The following SSBP2 variants were observed in gnomAD, a reference collection of about 807,000 sequenced individuals.
The protein encoded by SSBP2 is single stranded DNA binding protein 2, also known as single-stranded DNA-binding protein 2.
In SSBP2, 17 loss-of-function variants were observed where a neutral mutation model predicts 61.8. The ratio of observed to expected loss-of-function variants is 0.28; its 90% CI spans 0.19 to 0.41. The LOEUF is 0.41. Among genes scored for constraint, SSBP2 ranks in the 10% least tolerant of loss-of-function variants. The pLI is 1.00. For synonymous variants in SSBP2, 139 were observed against 141.3 expected (o/e 0.98, Z 0.12); for missense variants, 310 against 458.7 (o/e 0.68, Z 2.96).
chr5:81,555,755 T>C (rs1378798958), intron 4 of SSBP2, among the ~76,000 whole-genome samples: 1 of 152,148 alleles, frequency 6.6e-6, no homozygotes, highest in African/African-American at 2.4e-5. Flanking sequence ...ATGAGATCAA[T>C]GTACAATCTG....
chr5:81,619,446 A>T (rs1173785472), intron 3 of SSBP2, among the ~76,000 whole-genome samples: 1 of 78,298 alleles, frequency 1.3e-5, no homozygotes, highest in Admixed American at 1.4e-4. Flanking sequence ...AGGCTCTGAA[A>T]TTGTGGCAAT....
chr5:81,511,959 C>T (rs905121516), intron 5 of SSBP2, among the ~76,000 whole-genome samples: 1 of 152,084 alleles, frequency 6.6e-6, no homozygotes, highest in Non-Finnish European at 1.5e-5. Flanking sequence ...GTTCATTCTA[C>T]AAAATGTGGA....
rs1436287634 is a variant in SSBP2 at position 81,559,903 on chromosome 5, A to G, written c.283-46186T>C. Among the ~76,000 whole-genome samples the G allele has an allele frequency of 2.6e-5, 4 of 152,304 alleles. No individual in the cohort carries two copies. In the East Asian group the frequency reaches 7.7e-4, roughly 29 times the overall value. Reference sequence around the variant, plus strand: ...ATCAGAAGTCTAGTTTTATTTGTCCATAAGTAATCTAAAATTATTAAATAA... The same window carrying G: ...ATCAGAAGTCTAGTTTTATTTGTCCGTAAGTAATCTAAAATTATTAAATAA... On this transcript the variant is annotated intron_variant, in intron 4 of 16. Coordinates refer to ENST00000320672, the MANE Select transcript of SSBP2 (RefSeq NM_012446.5).
At chr5:81,586,538 C>G (rs1383619455) in intron 4 of SSBP2, among the ~76,000 whole-genome samples, 1 of 148,698 alleles carries the variant, frequency 6.7e-6, no homozygotes, top group Non-Finnish European at 1.5e-5. Flanking sequence ...CATAACAGAA[C>G]ATGAGGAAAC....
At position 81,658,752 on chromosome 5, in the gene SSBP2, C is replaced by T. The variant is rs188964156; in HGVS notation, c.63-8413G>A. ...ATGACAGGATTTCCCTAATGAACAT[C>T]GATGCGAAAATCCTCAATAAAACAC... On this transcript the variant is annotated intron_variant, in intron 1 of 16. Transcript: ENST00000320672. Among the ~76,000 whole-genome samples the T allele has an allele frequency of 2.1e-3, 320 of 152,156 alleles. 1 individual carries two copies. Among genetic ancestry groups the T allele is most frequent in the Admixed American group, 7.5e-3 (115 of 15,258 alleles).
chr5:81,558,908 C>T lies in SSBP2; in HGVS notation c.283-45191G>A, dbSNP rs1319917351. On this transcript the variant is annotated intron_variant, in intron 4 of 16. Coordinates refer to ENST00000320672, the MANE Select transcript of SSBP2 (RefSeq NM_012446.5). The stretch of plus-strand genomic sequence containing the variant: ...ACAGTGTCATAATGCCTAGACTTAT[C>T]AGAGGAACATCTAAGAAGTATCTTC... Among the ~76,000 whole-genome samples the T allele has an allele frequency of 2.6e-5, 4 of 152,310 alleles. No homozygotes were observed. The East Asian group carries it at 5.8e-4, about 22-fold the overall frequency.
At chr5:81,626,070 T>C (rs1396851711) in intron 3 of SSBP2, among the ~76,000 whole-genome samples, 2 of 152,356 alleles carry the variant, frequency 1.3e-5, no homozygotes, top group East Asian at 1.9e-4. Flanking sequence ...ATCCTATCCA[T>C]TCATAAGACC....
intron 4 of SSBP2, among the ~76,000 whole-genome samples, chr5:81,600,062 TTTAA>T (rs1744194172): frequency 6.6e-6 from 1 of 152,346 alleles, no homozygotes; most frequent in South Asian, 2.1e-4. Context: ...ATGTTATTTT[TTTAA>T]TTAAAGAAAA....
At position 81,524,913 on chromosome 5, in the gene SSBP2, T is replaced by C. The variant is rs532007663; in HGVS notation, c.283-11196A>G. Among the ~76,000 whole-genome samples, 7 of 152,142 alleles carry C rather than the reference T, an allele frequency of 4.6e-5. No individual in the cohort carries two copies. The South Asian group carries it at 1.2e-3, about 27-fold the overall frequency. On this transcript the variant is annotated intron_variant, in intron 4 of 16. Transcript: ENST00000320672. ...AATGGCCCTTTAATTGTTGACAAGG[T>C]CCCACCAATTCCATCTAGACTGTAG...
At chr5:81,609,094 T>C (rs1253447141) in intron 4 of SSBP2, among the ~76,000 whole-genome samples, 2 of 152,220 alleles carry the variant, frequency 1.3e-5, no homozygotes, top group African/African-American at 4.8e-5. Context: ...GGGTGTTCTC[T>C]CATTCCTAGG....
chr5:81,608,947 G>A (rs1038289784), intron 4 of SSBP2, among the ~76,000 whole-genome samples: 1 of 152,140 alleles, frequency 6.6e-6, no homozygotes, highest in Admixed American at 6.5e-5. Flanking sequence ...AGGATAAAAA[G>A]AAGAGTCATT....
chr5:81,562,705 A>G (rs1232616523), intron 4 of SSBP2, among the ~76,000 whole-genome samples: 2 of 152,214 alleles, frequency 1.3e-5, no homozygotes, highest in Non-Finnish European at 2.9e-5. Flanking sequence ...ACACAATTTA[A>G]AAGTTAATTT....
Position 81,442,398 on chromosome 5 carries a change from CAATAA to C in SSBP2, c.849+250_849+254del, listed in dbSNP as rs1002869817. 1.6e-4 allele frequency among the ~76,000 whole-genome samples: 25 copies of C among 151,822 alleles called. 1 individual carries two copies. The highest frequency in any genetic ancestry group is 1.2e-3 in the Admixed American group (19 of 15,258). On this transcript the variant is annotated intron_variant, in intron 13 of 16. Transcript: ENST00000320672. ...AATAGTATATATCATTAATTATTTACAATAAAATAAGATGAAACTAATGTGTAATT... is the reference window on the plus strand; with the variant it reads ...AATAGTATATATCATTAATTATTTACAATAAGATGAAACTAATGTGTAATT...
intron 4 of SSBP2, among the ~76,000 whole-genome samples, chr5:81,575,163 GA>G (rs1386893279): frequency 6.6e-6 from 1 of 152,162 alleles, no homozygotes; most frequent in East Asian, 1.9e-4. Context: ...AGCTACTCGG[GA>G]GGCTGAGGCA....
chr5:81,542,817 T>TTCTCTCTCTC (rs60252222), intron 4 of SSBP2, among the ~76,000 whole-genome samples: 6,089 of 106,484 alleles, frequency 0.057, 261 homozygotes, highest in African/African-American at 0.07. Context: ...ATTTGACAGT[T>TTCTCTCTCTC]TCTCTCTCTC....
At chr5:81,645,780 AT>A (rs1183942325) in intron 2 of SSBP2, among the ~76,000 whole-genome samples, 2 of 152,222 alleles carry the variant, frequency 1.3e-5, no homozygotes, top group East Asian at 3.9e-4. Flanking sequence ...ATAATATTCC[AT>A]TTTTTCCCCT....
chr5:81,606,551 A>T (rs951156042), intron 4 of SSBP2, among the ~76,000 whole-genome samples: 1 of 152,228 alleles, frequency 6.6e-6, no homozygotes, highest in African/African-American at 2.4e-5. Flanking sequence ...TGACTTGGGA[A>T]CTTACAATGC....
intron 4 of SSBP2, among the ~76,000 whole-genome samples, chr5:81,529,990 C>A (rs906770380): frequency 6.6e-6 from 1 of 151,940 alleles, no homozygotes; most frequent in Non-Finnish European, 1.5e-5. Flanking sequence ...ATGATGCAGA[C>A]TGCCAGGTTA....
At chr5:81,750,903 T>C in intron 1 of SSBP2, 78 bp downstream of exon 1, 1 of 1,472,200 alleles carries the variant, frequency 6.8e-7, no homozygotes, top group Non-Finnish European at 9.3e-7. Context: ...AGTGTCTGTG[T>C]CTCCCAGAGT....
Sources: allele counts gnomAD v4.1 joint callset (sites outside exome capture counted in the v4.1 genomes callset), GRCh38; gene constraint gnomAD v4.1.1; transcripts MANE v1.5; gene names NCBI Gene and HGNC (gene_info 2026-07-23, HGNC 2026-07-21).